Variants in BST1 observed in about 807,000 individuals in gnomAD.
BST1 encodes bone marrow stromal cell antigen 1, also known as ADP-ribosyl cyclase/cyclic ADP-ribose hydrolase 2.
In BST1, 49 loss-of-function variants were observed where a neutral mutation model predicts 40.6. That is an observed-to-expected ratio of 1.21 (90% CI 0.96 to 1.53). The LOEUF is 1.53. Ranked by LOEUF, BST1 falls within the 40% of genes most tolerant of loss-of-function variation. The pLI, the probability that BST1 is intolerant of heterozygous loss-of-function variation, is 0.00. For synonymous variants in BST1, 157 were observed against 159.3 expected (o/e 0.99, Z 0.11); for missense variants, 423 against 395.9 (o/e 1.07, Z -0.58).
In BST1 at chr4:15,718,932, A is replaced by G; in HGVS notation, c.730A>G (p.Lys244Glu). The G allele has an allele frequency of 6.2e-7, 1 of 1,614,130 alleles. No individual in the cohort carries two copies. Among genetic ancestry groups the G allele is most frequent in the Non-Finnish European group, 8.5e-7 (1 of 1,179,980 alleles). ...GGAATCCTGCGGGGAAGGCAGCATG[A>G]AAGTCCTGGAAAAGAGGCTGAAGGA... ...NVESCGEGSMKVLEKRLKDMG... is the reference protein window; with the variant it reads ...NVESCGEGSMEVLEKRLKDMG... The change falls in exon 7 of 9, where the codon AAA becomes GAA. Residue 244 changes from lysine to glutamate, a missense_variant. Coordinates refer to ENST00000265016, the MANE Select transcript of BST1 (RefSeq NM_004334.3).
intron 8 of BST1, among the ~76,000 whole-genome samples, chr4:15,728,643 C>CTTTT (rs869200119): frequency 1.3e-4 from 16 of 119,790 alleles, no homozygotes; most frequent in East Asian, 2.3e-4. Context: ...TCCTTCCTTC[C>CTTTT]TTTTTTTTTT....
At chr4:15,763,207 TTAAAA>T in the BST1 span, among the ~76,000 whole-genome samples, 6 of 152,062 alleles carry the variant, frequency 3.9e-5, no homozygotes, top group Admixed American at 2.6e-4. Flanking sequence ...AGAATATGTT[TTAAAA>T]TAAAATAAAT....
intron 3 of BST1, among the ~76,000 whole-genome samples, chr4:15,710,257 A>G (rs1215058571): frequency 6.6e-6 from 1 of 152,084 alleles, no homozygotes; most frequent in Non-Finnish European, 1.5e-5. Context: ...TACAGGCCAC[A>G]GTACCTGGCC....
intron 4 of BST1, among the ~76,000 whole-genome samples, chr4:15,715,000 G>A (rs1052840068): frequency 5.9e-5 from 9 of 152,132 alleles, no homozygotes; most frequent in Non-Finnish European, 1.2e-4. Context: ...CTTTGCTAAG[G>A]GAGCATAAGC....
intron 8 of BST1, among the ~76,000 whole-genome samples, chr4:15,727,928 TAAAG>T (rs1433812568): frequency 1.3e-5 from 2 of 151,376 alleles, no homozygotes; most frequent in African/African-American, 4.9e-5. Flanking sequence ...ATATAGCCCT[TAAAG>T]ACAATGGTAG....
At chr4:15,743,434 G>A in the BST1 span, 44 of 257,308 alleles carry the variant, frequency 1.7e-4, no homozygotes, top group Admixed American at 3.8e-4. Flanking sequence ...AATCCAAGGA[G>A]GCAGTTCACA....
chr4:15,736,710 C>A (rs908944056), downstream of BST1, among the ~76,000 whole-genome samples: 5 of 152,298 alleles, frequency 3.3e-5, no homozygotes, highest in East Asian at 5.8e-4. Context: ...TCTCCATGAA[C>A]CTTCTCTCAG....
the BST1 span, among the ~76,000 whole-genome samples, chr4:15,755,865 T>G: frequency 6.6e-6 from 1 of 152,164 alleles, no homozygotes; most frequent in Non-Finnish European, 1.5e-5. Flanking sequence ...ATCAATGAGT[T>G]TCTTATTCCA....
Position 15,704,880 on chromosome 4 carries a change from T to A in BST1, c.189-635T>A, listed in dbSNP as rs912427714. 7.7e-6 allele frequency: 5 copies of A among 646,908 alleles called. 1 individual carries two copies. Among genetic ancestry groups the A allele is most frequent in the Middle Eastern group, 4.7e-4 (2 of 4,264 alleles). The allele number at this position is 646,908 out of a possible 1,614,324, so 40.1% of individuals were successfully genotyped here. A position where few individuals can be genotyped will look rare whatever the true frequency, so the allele number is the denominator to read the frequency against. ...CCCCCCTTTTCTTATGTTTGTGATG[T>A]CTTTCTTGTGCTGATCATTTTTATT... is the stretch of plus-strand genomic sequence containing the variant. On this transcript the variant is annotated intron_variant, in intron 1 of 8. Transcript: ENST00000265016.
the BST1 span, among the ~76,000 whole-genome samples, chr4:15,772,475 T>A: frequency 6.6e-6 from 1 of 152,190 alleles, no homozygotes; most frequent in African/African-American, 2.4e-5. Context: ...ATCAGATTGA[T>A]CCCAGGGTAC....
chr4:15,747,513 C>A, the BST1 span, among the ~76,000 whole-genome samples: 1 of 152,184 alleles, frequency 6.6e-6, no homozygotes, highest in Non-Finnish European at 1.5e-5. Flanking sequence ...ACCCCCATCA[C>A]CATCACATTC....
chr4:15,713,032 C>T (rs1319527804), intron 4 of BST1, among the ~76,000 whole-genome samples: 1 of 152,160 alleles, frequency 6.6e-6, no homozygotes, highest in African/African-American at 2.4e-5. Flanking sequence ...TATACTTCCT[C>T]CAATTCTATA....
downstream of BST1, among the ~76,000 whole-genome samples, chr4:15,735,550 T>G (rs1326902875): frequency 1.3e-5 from 2 of 152,178 alleles, no homozygotes; most frequent in Non-Finnish European, 2.9e-5. Flanking sequence ...GTGTGTGATA[T>G]TGCTAGGGTG....
chr4:15,718,105 G>A (rs1049579736), intron 6 of BST1, among the ~76,000 whole-genome samples: 1 of 152,162 alleles, frequency 6.6e-6, no homozygotes, highest in African/African-American at 2.4e-5. Context: ...GGACTCCACA[G>A]CAACAAAGTT....
chr4:15,716,048 T>C (rs1720498396), intron 6 of BST1, among the ~76,000 whole-genome samples: 1 of 152,220 alleles, frequency 6.6e-6, no homozygotes, highest in African/African-American at 2.4e-5. Flanking sequence ...CCTTTCTGAA[T>C]GACCTTGGTA....
chr4:15,731,438 G>A (rs562881670), intron 8 of BST1: 2 of 700,640 alleles, frequency 2.9e-6, no homozygotes, highest in South Asian at 3.0e-5. Flanking sequence ...CACACATGGA[G>A]AACTTGGGGC....
the BST1 span, among the ~76,000 whole-genome samples, chr4:15,759,802 C>A: frequency 6.6e-6 from 1 of 151,888 alleles, no homozygotes; most frequent in Non-Finnish European, 1.5e-5. Flanking sequence ...TTACTTCCCC[C>A]CTCCACTCCC....
chr4:15,738,339 CA>C (rs2148900495), downstream of BST1: 1 of 152,730 alleles, frequency 6.5e-6, no homozygotes, highest in East Asian at 1.9e-4. Context: ...GAATTTCAGA[CA>C]CTTGGGAAAA....
chr4:15,727,335 A>T (rs187492665), intron 8 of BST1, among the ~76,000 whole-genome samples: 1 of 152,272 alleles, frequency 6.6e-6, no homozygotes, highest in East Asian at 1.9e-4. Context: ...CTGTTGGTAG[A>T]CATTTTTGAC....
Sources: gnomAD v4.1 joint callset for allele counts (sites outside exome capture counted in the v4.1 genomes callset) on GRCh38, gnomAD v4.1.1 for gene constraint, MANE v1.5 for transcripts, NCBI Gene and HGNC (gene_info 2026-07-23, HGNC 2026-07-21) for gene names.